The following DDAH1 variants were observed in gnomAD, a reference collection of about 807,000 sequenced individuals.
DDAH1 encodes the protein N(G),N(G)-dimethylarginine dimethylaminohydrolase 1.
Under a neutral mutation model 28.8 loss-of-function variants are expected in DDAH1, and 19 were observed. The ratio of observed to expected loss-of-function variants is 0.66; its 90% CI spans 0.46 to 0.97. DDAH1 has a LOEUF of 0.97. Among genes scored for constraint, DDAH1 ranks in the 50% least tolerant of loss-of-function variants. DDAH1 has a pLI of 0.00. For synonymous variants in DDAH1, 153 were observed against 154.4 expected (o/e 0.99, Z 0.07); for missense variants, 326 against 375.9 (o/e 0.87, Z 1.10).
intron 1 of DDAH1, among the ~76,000 whole-genome samples, chr1:85,500,144 TTCTTTTC>T (rs1256317020): frequency 3.5e-5 from 2 of 57,606 alleles, no homozygotes; most frequent in African/African-American, 9.6e-5. Flanking sequence ...CTTTCTTTCT[TTCTTTTC>T]TTTCTTTCTT....
intron 1 of DDAH1, among the ~76,000 whole-genome samples, chr1:85,500,130 CTTTCTTTCTTTCTTTCT>C (rs759190719): frequency 4.5e-5 from 2 of 44,422 alleles, no homozygotes; most frequent in Non-Finnish European, 1.1e-4. Flanking sequence ...TTCTTTCTTT[CTTTCTTTCTTTCTTTCT>C]TTTCTTTCTT....
chr1:85,573,467 G>A (rs549355398), intron 1 of DDAH1, among the ~76,000 whole-genome samples: 2 of 152,332 alleles, frequency 1.3e-5, no homozygotes, highest in African/African-American at 4.8e-5. Flanking sequence ...ATTGCAGGGT[G>A]TGGTGGGAGA....
intron 1 of DDAH1, among the ~76,000 whole-genome samples, chr1:85,564,013 AT>A (rs1659213502): frequency 6.6e-6 from 1 of 152,176 alleles, no homozygotes; most frequent in South Asian, 2.1e-4. Flanking sequence ...CTCTACTAAA[AT>A]ACCAAAAATT....
At chr1:85,457,173 C>T (rs900656159) in intron 1 of DDAH1, among the ~76,000 whole-genome samples, 3 of 152,072 alleles carry the variant, frequency 2.0e-5, no homozygotes, top group Admixed American at 1.3e-4. Context: ...TGAGAGGGCA[C>T]GGGTGAGTTT....
intron 1 of DDAH1, among the ~76,000 whole-genome samples, chr1:85,377,168 G>A (rs1650717756): frequency 6.6e-6 from 1 of 152,148 alleles, no homozygotes; most frequent in Non-Finnish European, 1.5e-5. Context: ...CCCTGCCACA[G>A]AGGCAGAAGC....
intron 5 of DDAH1, among the ~76,000 whole-genome samples, chr1:85,322,157 A>T (rs1378760003): frequency 6.6e-6 from 1 of 152,116 alleles, no homozygotes; most frequent in Admixed American, 6.5e-5. Flanking sequence ...TCCTGGGCTC[A>T]AGTGATCATC....
At chr1:85,417,979 T>G (rs186475857) in intron 1 of DDAH1, among the ~76,000 whole-genome samples, 1 of 152,238 alleles carries the variant, frequency 6.6e-6, no homozygotes. Flanking sequence ...CATAGTTGCT[T>G]TGCGGAAAGT....
intron 1 of DDAH1, among the ~76,000 whole-genome samples, chr1:85,450,066 T>C (rs893960940): frequency 1.3e-5 from 2 of 152,220 alleles, no homozygotes; most frequent in African/African-American, 4.8e-5. Context: ...TCAGGTCTTT[T>C]GCAAGTAAGG....
At chr1:85,358,176 T>C (rs544371216) in intron 2 of DDAH1, among the ~76,000 whole-genome samples, 1 of 150,978 alleles carries the variant, frequency 6.6e-6, no homozygotes, top group South Asian at 2.1e-4. Context: ...AGTGGTGATG[T>C]ACATACCAAT....
chr1:85,516,481 C>T (rs1384338145), intron 1 of DDAH1, among the ~76,000 whole-genome samples: 3 of 151,368 alleles, frequency 2.0e-5, no homozygotes, highest in African/African-American at 4.9e-5. Context: ...ATTTTCTAGG[C>T]TTTGGATTTG....
chr1:85,521,043 CA>C (rs1217353783), intron 1 of DDAH1, among the ~76,000 whole-genome samples: 1 of 152,136 alleles, frequency 6.6e-6, no homozygotes, highest in African/African-American at 2.4e-5. Context: ...TCTCCAGGGC[CA>C]GGTACAGTTA....
At chr1:85,355,343 C>T (rs1231670361) in intron 2 of DDAH1, among the ~76,000 whole-genome samples, 1 of 152,058 alleles carries the variant, frequency 6.6e-6, no homozygotes, top group Admixed American at 6.6e-5. Context: ...AGGAAATATT[C>T]CCTAATACAT....
chr1:85,453,300 TTATCCA>T (rs1334824959), intron 1 of DDAH1, among the ~76,000 whole-genome samples: 1 of 152,186 alleles, frequency 6.6e-6, no homozygotes, highest in African/African-American at 2.4e-5. Context: ...GAGGCTTCAG[TTATCCA>T]GCTCAGTGCT....
intron 1 of DDAH1, among the ~76,000 whole-genome samples, chr1:85,445,592 A>G (rs1654396475): frequency 1.3e-5 from 2 of 152,126 alleles, no homozygotes; most frequent in African/African-American, 4.8e-5. Flanking sequence ...ATATCATGTT[A>G]CATTGGATTA....
Position 85,341,981 on chromosome 1 carries a change from AGTT to A in DDAH1, c.597+8431_597+8433del, listed in dbSNP as rs1247837682. On this transcript the variant is annotated intron_variant, in intron 4 of 5. Transcript: ENST00000284031. ...ATATGGTTGCTACTTTTTGCCAAGT[AGTT>A]GTTTGCTCCATCCTAGGTTTAAGAC... 2.6e-5 allele frequency among the ~76,000 whole-genome samples: 4 copies of A among 152,280 alleles called. 1 individual carries two copies. The highest frequency in any genetic ancestry group is 6.8e-3 in the Middle Eastern group (2 of 294).
At chr1:85,416,117 A>T (rs1014020176) in intron 1 of DDAH1, among the ~76,000 whole-genome samples, 6 of 152,290 alleles carry the variant, frequency 3.9e-5, no homozygotes, top group Middle Eastern at 3.4e-3. Context: ...GTTAGGACAT[A>T]TTTGCATATA....
chr1:85,497,665 G>C (rs61785164), intron 1 of DDAH1, among the ~76,000 whole-genome samples: 7 of 152,216 alleles, frequency 4.6e-5, no homozygotes, highest in Admixed American at 2.0e-4. Flanking sequence ...AAATGATTAG[G>C]AAGTACATAT....
intron 1 of DDAH1, among the ~76,000 whole-genome samples, chr1:85,400,177 CTTT>C (rs61677601): frequency 0.013 from 737 of 54,926 alleles, 2 homozygotes; most frequent in Non-Finnish European, 0.024. Flanking sequence ...CTTTTCTTTT[CTTT>C]TTTTTTTTTT....
At chr1:85,470,229 A>G (rs548186277) in intron 2 of DDAH1, among the ~76,000 whole-genome samples, 4 of 152,360 alleles carry the variant, frequency 2.6e-5, no homozygotes, top group South Asian at 4.1e-4. Flanking sequence ...TCACAGTTCC[A>G]TGTGACTGGG....
Sources: allele counts gnomAD v4.1 joint callset (sites outside exome capture counted in the v4.1 genomes callset), GRCh38; gene constraint gnomAD v4.1.1; transcripts MANE v1.5; gene names NCBI Gene and HGNC (gene_info 2026-07-23, HGNC 2026-07-21).